Variants in MUC4 observed in about 807,000 individuals in gnomAD.
The protein encoded by MUC4 is mucin-4.
A neutral mutation model predicts 257.9 loss-of-function variants in MUC4; 202 were observed. That is an observed-to-expected ratio of 0.78 (90% CI 0.70 to 0.88). The LOEUF is 0.88. Among genes scored for constraint, MUC4 ranks in the 40% least tolerant of loss-of-function variants. The pLI, the probability that MUC4 is intolerant of heterozygous loss-of-function variation, is 0.00. For missense variants in MUC4, 5,976 were observed against 6,513.7 expected, an observed-to-expected ratio of 0.92 and a Z score of 2.84; for synonymous variants, 2,351 against 2,757.1, an observed-to-expected ratio of 0.85 and a Z score of 4.62.
At chr3:195,778,227 G>C in intron 3 of MUC4, 76 bp downstream of exon 3, 4 of 1,488,448 alleles carry the variant, frequency 2.7e-6, no homozygotes, top group East Asian at 4.8e-5. Context: ...AGCGGAGACT[G>C]TGGGAAGTAG....
At chr3:195,792,166 C>T (rs1021919963) in intron 1 of MUC4, among the ~76,000 whole-genome samples, 5 of 152,110 alleles carry the variant, frequency 3.3e-5, no homozygotes, top group African/African-American at 1.2e-4. Flanking sequence ...GAGCTCTGCA[C>T]AGCAAAAGAA....
chr3:195,763,770 G>T, intron 11 of MUC4, 129 bp from the exon 12 acceptor site: 1 of 1,070,862 alleles, frequency 9.3e-7, no homozygotes. Context: ...AGTCGACTGG[G>T]GCACTTGTCC....
chr3:195,764,766 A>C (rs371432200), intron 10 of MUC4, among the ~76,000 whole-genome samples: 49 of 151,854 alleles, frequency 3.2e-4, no homozygotes, highest in Admixed American at 1.4e-3. Flanking sequence ...AAATGGCCCC[A>C]CTCTGGCCTG....
chr3:195,783,061 G>T lies in MUC4; in HGVS notation c.8519C>A (p.Ser2840Ter), dbSNP rs1488419667. The change falls in exon 2 of 25, where the codon TCA becomes TAA. Residue 2840 changes from serine to a stop codon, truncating the protein, a stop_gained. Coordinates refer to ENST00000463781, the MANE Select transcript of MUC4 (RefSeq NM_018406.7). LOFTEE classifies it high-confidence loss of function. The part of the protein sequence containing the change: ...ATSLPVTIPS[S>*]ASSGHTTPLP... ...AGGGGTGGTGTGACCTGAGGATGCT[G>T]AGGAAGGGATGGTGACAGGAAGAGA... 11 of 804,698 alleles carry T rather than the reference G, an allele frequency of 1.4e-5. No homozygotes were observed. The allele number at this position is 804,698 out of a possible 1,614,324, so 49.8% of individuals were successfully genotyped here.
chr3:195,800,134 C>G (rs1735109378), intron 1 of MUC4, among the ~76,000 whole-genome samples: 2 of 152,086 alleles, frequency 1.3e-5, no homozygotes, highest in African/African-American at 4.8e-5. Context: ...AAAAATTACC[C>G]AGGCATGGTG....
Position 195,785,088 on chromosome 3 carries a change from G to T in MUC4, c.6492C>A (p.Thr2164=), listed in dbSNP as rs369770584. The T allele has an allele frequency of 2.2e-5, 11 of 504,670 alleles. No individual in the cohort carries two copies. Among genetic ancestry groups the T allele is most frequent in the East Asian group, 2.3e-4 (2 of 8,524 alleles). The allele number at this position is 504,670 out of a possible 1,614,324, so 31.3% of individuals were successfully genotyped here. ...STGHATSLPV[T]DTSSASTGHA... is the part of the protein sequence containing the mutation. ...GACCTGTGGATGCTGAGGAAGTGTC[G>T]GTGACAGGAAGAGAGGTGGCGTGAC... is the stretch of plus-strand genomic sequence containing the variant. Residue 2164 remains threonine (T), a synonymous_variant, in exon 2 of 25, where the codon ACC becomes ACA. Transcript: ENST00000463781.
Position 195,763,539 on chromosome 3 carries a change from G to A in MUC4, c.14147C>T (p.Ser4716Phe), listed in dbSNP as rs1295311890. The change falls in exon 12 of 25, where the codon TCC (serine) becomes TTC (phenylalanine). Residue 4716 changes from serine (S) to phenylalanine (F), a missense_variant. Ser to Phe is a radical substitution (Grantham distance 155). Transcript: ENST00000463781. ...GGTGCGGCCCTGAAGCAGGAAGGAGGAGTTCCCGTCTTGGGCCCCGACCAG... is the reference window on the plus strand; with the variant it reads ...GGTGCGGCCCTGAAGCAGGAAGGAGAAGTTCCCGTCTTGGGCCCCGACCAG... ...FLLVGAQDGN[S>F]SFLLQGRTAQ... is the part of the protein sequence containing the mutation. 1 of 1,585,880 alleles carries A rather than the reference G, an allele frequency of 6.3e-7. No homozygotes were observed. The highest frequency in any genetic ancestry group is 1.3e-5 in the African/African-American group (1 of 74,082).
In MUC4 at chr3:195,788,782, G is replaced by A. The variant is rs544023027; in HGVS notation, c.2798C>T (p.Ser933Leu). The A allele has an allele frequency of 6.2e-7, 1 of 1,613,970 alleles. No individual in the cohort carries two copies. Among genetic ancestry groups the A allele is most frequent in the Non-Finnish European group, 8.5e-7 (1 of 1,179,864 alleles). Reference sequence around the variant, plus strand: ...CGATGGAGGTGTGGGTGGGACTGTTGAGAAGGTGTCGGTTGCCTGGGACGC... The same window carrying A: ...CGATGGAGGTGTGGGTGGGACTGTTAAGAAGGTGTCGGTTGCCTGGGACGC... ...SLASQATDTF[S>L]TVPPTPPSIT... Residue 933 changes from serine to leucine, a missense_variant, in exon 2 of 25, where the codon TCA becomes TTA. This residue lies in a region of MUC4 where 1,583 missense variants were observed against 1,257.4 expected (regional missense o/e 1.26). Coordinates refer to ENST00000463781, the MANE Select transcript of MUC4 (RefSeq NM_018406.7).
rs749077203 is a variant in MUC4, at chr3:195,753,244, A to AG, written c.15329-15dup. 58 of 1,613,016 alleles carry AG rather than the reference A, an allele frequency of 3.6e-5. No homozygotes were observed. Among genetic ancestry groups the AG allele is most frequent in the Middle Eastern group, 1.6e-4 (1 of 6,076 alleles). On this transcript the variant is annotated splice_polypyrimidine_tract_variant and intron_variant, in intron 19 of 24. Coordinates refer to ENST00000463781, the MANE Select transcript of MUC4 (RefSeq NM_018406.7). Reference sequence around the variant, plus strand: ...AGCTCCCCAGAGCTGCAGAGTGAGTAGGGAGGTCAGCAGCAGCGCGCAGGG... The same window carrying AG: ...AGCTCCCCAGAGCTGCAGAGTGAGTAGGGGAGGTCAGCAGCAGCGCGCAGGG...
At chr3:195,748,373 G>A (rs1230083362) in intron 24 of MUC4, among the ~76,000 whole-genome samples, 12 of 152,270 alleles carry the variant, frequency 7.9e-5, no homozygotes, top group African/African-American at 2.9e-4. Context: ...AGACCAGCCT[G>A]ACCAACATGG....
rs1224104598 is a variant in MUC4, at chr3:195,786,378, A to G, written c.5202T>C (p.Pro1734=). ...GDTTPLPVTS[P]SSASTGHASP... ...TGGCGTGACCTGTGGATGCTGAGGA[A>G]GGGCTAGTGACAGGAAGAGGCGTGG... The change falls in exon 2 of 25, where the codon CCT becomes CCC. Residue 1734 remains proline, a synonymous_variant. Coordinates refer to ENST00000463781, the MANE Select transcript of MUC4 (RefSeq NM_018406.7). 2.0e-6 allele frequency: 3 copies of G among 1,527,412 alleles called. No homozygotes were observed. Among genetic ancestry groups the G allele is most frequent in the Admixed American group, 2.0e-5 (1 of 49,854 alleles). 94.6% of individuals were successfully genotyped at this position (1,527,412 alleles called of 1,614,324 possible).
chr3:195,811,002 G>A (rs1184194526), intron 1 of MUC4, among the ~76,000 whole-genome samples: 1 of 151,778 alleles, frequency 6.6e-6, no homozygotes, highest in Non-Finnish European at 1.5e-5. Flanking sequence ...GACATCGCCG[G>A]GCTGCTCTCT....
Position 195,755,781 on chromosome 3 carries a change from C to A in MUC4, c.15168+1366G>T, listed in dbSNP as rs923364109. Among the ~76,000 whole-genome samples the A allele has an allele frequency of 6.6e-6, 1 of 152,082 alleles. No individual in the cohort carries two copies. Among genetic ancestry groups the A allele is most frequent in the African/African-American group, 2.4e-5 (1 of 41,374 alleles). ...TTGTGTATTTTATGCTTTTCTACCC[C>A]CTACCCCACCAACCGTCCCTACCTC... is the stretch of plus-strand genomic sequence containing the variant. On this transcript the variant is annotated intron_variant, in intron 18 of 24. Transcript: ENST00000463781. The surrounding 1 kb of genome is among the most constrained non-coding windows in gnomAD (Gnocchi z 5.0).
intron 3 of MUC4, among the ~76,000 whole-genome samples, chr3:195,775,028 A>G (rs973113749): frequency 1.3e-4 from 20 of 152,112 alleles, no homozygotes; most frequent in Admixed American, 9.2e-4. Flanking sequence ...GACTCCTCCA[A>G]TTTAACCTAG....
chr3:195,772,684 C>T (rs113941454), intron 4 of MUC4, among the ~76,000 whole-genome samples: 4 of 102,582 alleles, frequency 3.9e-5, no homozygotes, highest in African/African-American at 1.5e-4. Context: ...TCTCTCCATC[C>T]CTCAGGGGTG....
chr3:195,761,520 TC>T lies in MUC4; in HGVS notation c.14577del (p.Ser4860AlafsTer11), dbSNP rs755481149. ...RMPNGSTIPP[G>X]SPEEMLFHFG... ...AAGTGGAAAAGCATCTCCTCAGGGC[TC>T]CCTGGGGGAATGGTGGAGCCATTGG... On this transcript the variant is annotated frameshift_variant, in exon 15 of 25. Transcript: ENST00000463781. LOFTEE classifies it high-confidence loss of function. The T allele has an allele frequency of 1.2e-5, 19 of 1,614,052 alleles. No homozygotes were observed. The highest frequency in any genetic ancestry group is 1.6e-5 in the Non-Finnish European group (19 of 1,179,942).
Position 195,762,837 on chromosome 3 carries a change from C to A in MUC4, c.14344+18G>T, listed in dbSNP as rs767818915. On this transcript the variant is annotated intron_variant, in intron 13 of 24. Transcript: ENST00000463781. ...GCTCCCGGTGCGGGGAGGGGGCGGC[C>A]GGCGCTCCCCAACCTACCTCCGCCG... 2.0e-6 allele frequency: 3 copies of A among 1,535,360 alleles called. No homozygotes were observed. The Admixed American group carries it at 5.9e-5, about 30-fold the overall frequency.
In MUC4 at chr3:195,765,068, C is replaced by G; in HGVS notation, c.13853G>C (p.Gly4618Ala). The G allele has an allele frequency of 6.2e-7, 1 of 1,613,904 alleles. No individual in the cohort carries two copies. The highest frequency in any genetic ancestry group is 8.5e-7 in the Non-Finnish European group (1 of 1,179,932). ...CCAGGGCCCGTAGCTGCAGCACACG[C>G]CTCCTCGCCAAGAGGTGAAGCTGCA... ...QLCSFTSWRGGVCCSYGPWGE... is the reference protein window; with the variant it reads ...QLCSFTSWRGAVCCSYGPWGE... The change falls in exon 10 of 25, where the codon GGC becomes GCC. Residue 4618 changes from glycine to alanine, a missense_variant. Around this residue, in one of 44 missense-constraint regions of MUC4, gnomAD observed 996 missense variants for 1,137.3 expected, o/e 0.88. Transcript: ENST00000463781.
rs529139181 is a variant in MUC4 at position 195,779,397 on chromosome 3, G to C, written c.12183C>G (p.His4061Gln). Residue 4061 changes from histidine (H) to glutamine (Q), a missense_variant, in exon 2 of 25, where the codon CAC (histidine) becomes CAG (glutamine). Around this residue, in one of 44 missense-constraint regions of MUC4, gnomAD observed 293 missense variants for 294.5 expected, o/e 1.00. Transcript: ENST00000463781. ...VTNASSLSTGHATPLHVTSPS... is the reference protein window; with the variant it reads ...VTNASSLSTGQATPLHVTSPS... ...GGCTGGTGACATGAAGAGGGGTGGC[G>C]TGACCTGTGGATAATGAGGAAGCAT... 6.6e-6 allele frequency: 8 copies of C among 1,216,422 alleles called. 1 individual carries two copies. The African/African-American group carries it at 8.2e-5, about 12-fold the overall frequency. 75.4% of individuals were successfully genotyped at this position (1,216,422 alleles called of 1,614,324 possible).
Sources: gnomAD v4.1 joint callset for allele counts (sites outside exome capture counted in the v4.1 genomes callset) on GRCh38, gnomAD v4.1.1 for gene constraint, gnomAD v4.1.1 regional missense constraint, Gnocchi (gnomAD v3.1) non-coding constraint, MANE v1.5 for transcripts, NCBI Gene and HGNC (gene_info 2026-07-23, HGNC 2026-07-21) for gene names.